The following CCDC68 variants were observed in gnomAD, a reference collection of about 807,000 sequenced individuals.
CCDC68 encodes coiled-coil domain-containing protein 68.
Under a neutral mutation model 47.1 loss-of-function variants are expected in CCDC68, and 45 were observed. The ratio of observed to expected loss-of-function variants is 0.96; its 90% CI spans 0.75 to 1.23. CCDC68 has a LOEUF of 1.23. Among genes scored for constraint, CCDC68 ranks in the 50% most tolerant of loss-of-function variants. The pLI, the probability that CCDC68 is intolerant of heterozygous loss-of-function variation, is 0.00. For synonymous variants in CCDC68, 131 were observed against 129.5 expected (o/e 1.01, Z -0.08); for missense variants, 353 against 373.6 (o/e 0.94, Z 0.45).
chr18:54,907,793 A>T lies in CCDC68; in HGVS notation c.943T>A (p.Ser315Thr). The change falls in exon 11 of 12, where the codon TCT becomes ACT. Residue 315 changes from serine (S) to threonine (T), a missense_variant. Ser to Thr is a moderately conservative substitution (Grantham distance 58). Transcript: ENST00000591504. ...TPRTKVSKAV[S>T]TSELKTEGVS... ...AGAGGACAGAGACCTTACCTTGTAG[A>T]GACAGCCTTAGATACCTTTGTCCTA... is the stretch of plus-strand genomic sequence containing the variant. The T allele has an allele frequency of 3.8e-6, 6 of 1,585,396 alleles. No homozygotes were observed. Among genetic ancestry groups the T allele is most frequent in the Non-Finnish European group, 5.2e-6 (6 of 1,153,820 alleles).
At chr18:54,927,019 CT>C (rs2044157168) in intron 8 of CCDC68, among the ~76,000 whole-genome samples, 1 of 152,192 alleles carries the variant, frequency 6.6e-6, no homozygotes, top group African/African-American at 2.4e-5. Flanking sequence ...ACTTTTCTGT[CT>C]CTTTTTTATG....
chr18:54,934,111 CAG>C (rs766600220), intron 7 of CCDC68, among the ~76,000 whole-genome samples: 4 of 152,204 alleles, frequency 2.6e-5, no homozygotes, highest in Non-Finnish European at 4.4e-5. Context: ...AATTCAGTTT[CAG>C]AGATGCCAGT....
intron 10 of CCDC68, among the ~76,000 whole-genome samples, chr18:54,914,365 C>T (rs1279231399): frequency 6.6e-6 from 1 of 151,968 alleles, no homozygotes; most frequent in African/African-American, 2.4e-5. Context: ...CACCTATAAT[C>T]CCAGCACTTT....
intron 2 of CCDC68, 187 bp from the exon 3 acceptor site, chr18:54,942,990 G>A (rs2044463945): frequency 2.5e-6 from 1 of 398,214 alleles, no homozygotes. Context: ...TCATCTGAAG[G>A]AATCATTAAT....
chr18:54,942,589 G>A (rs751925094), intron 3 of CCDC68, 86 bp downstream of exon 3: 104 of 802,018 alleles, frequency 1.3e-4, no homozygotes, highest in Non-Finnish European at 2.0e-4. Flanking sequence ...TATGTTCTAT[G>A]GAGAGGGAAA....
chr18:54,957,301 A>G (rs887974574), intron 1 of CCDC68, among the ~76,000 whole-genome samples: 4 of 152,244 alleles, frequency 2.6e-5, no homozygotes, highest in Non-Finnish European at 4.4e-5. Context: ...GACTTTTTAA[A>G]TCAGTGAAAG....
intron 7 of CCDC68, among the ~76,000 whole-genome samples, chr18:54,931,059 C>CA (rs1449448328): frequency 1.1e-3 from 165 of 151,064 alleles, no homozygotes; most frequent in African/African-American, 3.6e-3. Context: ...CTTGGATTGT[C>CA]AAAAAAAACA....
At chr18:54,909,684 C>T (rs1831576617) in intron 10 of CCDC68, among the ~76,000 whole-genome samples, 1 of 152,248 alleles carries the variant, frequency 6.6e-6, no homozygotes, top group Non-Finnish European at 1.5e-5. Context: ...CCGACTGCTA[C>T]AGTGGGGCAC....
At position 54,902,484 on chromosome 18, in the gene CCDC68, C is replaced by T. The variant is rs1913740418; in HGVS notation, c.*1874G>A. The T allele has an allele frequency of 6.6e-6, 1 of 152,022 alleles. No homozygotes were observed. Among genetic ancestry groups the T allele is most frequent in the Non-Finnish European group, 1.5e-5 (1 of 68,010 alleles). The allele number at this position is 152,022 out of a possible 1,614,324, so 9.4% of individuals were successfully genotyped here. ...GATCCTAATTTTCCTACAAGTGTGC[C>T]TGAAAATGTATCATGAAGAAATTCT... On this transcript the variant is annotated 3_prime_UTR_variant, in exon 12 of 12. Transcript: ENST00000591504.
intron 7 of CCDC68, 74 bp from the exon 8 acceptor site, chr18:54,928,956 A>G (rs754268625): frequency 4.0e-5 from 32 of 796,244 alleles, no homozygotes; most frequent in Admixed American, 8.1e-5. Context: ...TTGTCATACT[A>G]TAACTATGGC....
At chr18:54,936,790 G>A in intron 6 of CCDC68, 43 bp downstream of exon 6, 1 of 1,611,822 alleles carries the variant, frequency 6.2e-7, no homozygotes, top group Non-Finnish European at 8.5e-7. Context: ...AACAGCTCAG[G>A]GTGGGGGCTA....
intron 8 of CCDC68, among the ~76,000 whole-genome samples, chr18:54,919,864 C>T (rs370505343): frequency 6.6e-6 from 1 of 152,072 alleles, no homozygotes; most frequent in African/African-American, 2.4e-5. Context: ...CTGTGTTTGT[C>T]TTTTTTTATT....
chr18:54,950,738 A>G (rs963169087), intron 1 of CCDC68, among the ~76,000 whole-genome samples: 1 of 141,664 alleles, frequency 7.1e-6, no homozygotes, highest in Admixed American at 7.5e-5. Flanking sequence ...TTTTTCATAT[A>G]TTGCCCAAAT....
intron 8 of CCDC68, among the ~76,000 whole-genome samples, chr18:54,923,117 A>G (rs999849007): frequency 5.3e-5 from 8 of 152,312 alleles, no homozygotes; most frequent in African/African-American, 1.9e-4. Flanking sequence ...AAAATAACAG[A>G]AAGAGCAGCT....
chr18:54,928,629 G>A (rs377416392), intron 8 of CCDC68, among the ~76,000 whole-genome samples, 171 bp downstream of exon 8: 1 of 152,126 alleles, frequency 6.6e-6, no homozygotes, highest in Non-Finnish European at 1.5e-5. Flanking sequence ...GTTTGAGGAA[G>A]GGGAGGCACA....
intron 7 of CCDC68, among the ~76,000 whole-genome samples, chr18:54,930,618 TC>T (rs1568147307): frequency 1.1e-4 from 6 of 52,514 alleles, no homozygotes; most frequent in East Asian, 1.0e-3. Flanking sequence ...TTCCTTCCCT[TC>T]CCTTCCCCTC....
rs549461447 is a variant in CCDC68 at position 54,918,593 on chromosome 18, T to A, written c.790-597A>T. ...CCAAAGTCCCTCCTGGCTCTCAAAT[T>A]CCACTACTCAATTCTCTGGCCTTTT... On this transcript the variant is annotated intron_variant, in intron 9 of 11. Coordinates refer to ENST00000591504, the MANE Select transcript of CCDC68 (RefSeq NM_025214.3). Among the ~76,000 whole-genome samples, 25 of 152,244 alleles carry A rather than the reference T, an allele frequency of 1.6e-4. No individual in the cohort carries two copies. In the South Asian group the frequency reaches 5.0e-3, roughly 30 times the overall value.
chr18:54,956,405 G>C (rs1043648725), intron 1 of CCDC68, among the ~76,000 whole-genome samples: 2 of 152,206 alleles, frequency 1.3e-5, no homozygotes, highest in Admixed American at 6.5e-5. Context: ...TCATAGAAGA[G>C]AGTCAAAGCA....
chr18:54,904,176 C>T lies in CCDC68; in HGVS notation c.*182G>A, dbSNP rs1913846638. 2.0e-6 allele frequency: 1 copy of T among 498,216 alleles called. No homozygotes were observed. 30.9% of individuals were successfully genotyped at this position (498,216 alleles called of 1,614,324 possible). On this transcript the variant is annotated 3_prime_UTR_variant, in exon 12 of 12. Coordinates refer to ENST00000591504, the MANE Select transcript of CCDC68 (RefSeq NM_025214.3). ...ACTATTTGGTAAGTTTTGAAGAGTC[C>T]ATCCATTAAATATAGATTTGTTTGA...
Sources: allele counts gnomAD v4.1 joint callset (sites outside exome capture counted in the v4.1 genomes callset), GRCh38; gene constraint gnomAD v4.1.1; transcripts MANE v1.5; gene names NCBI Gene and HGNC (gene_info 2026-07-23, HGNC 2026-07-21).